F10: variants seen among roughly 807,000 people sequenced by gnomAD.
The protein encoded by F10 is coagulation factor X.
Under a neutral mutation model 37.1 loss-of-function variants are expected in F10, and 29 were observed. The ratio of observed to expected loss-of-function variants is 0.78; its 90% CI spans 0.58 to 1.07. The LOEUF (loss-of-function observed/expected upper bound fraction) is 1.07. Among genes scored for constraint, F10 ranks in the 50% least tolerant of loss-of-function variants. The pLI is 0.00. For missense variants in F10, 539 were observed against 667.9 expected, an observed-to-expected ratio of 0.81 and a Z score of 2.13; for synonymous variants, 262 against 268.6, an observed-to-expected ratio of 0.98 and a Z score of 0.24.
chr13:113,131,938 C>T (rs970643814), intron 2 of F10: 4 of 152,302 alleles, frequency 2.6e-5, no homozygotes, highest in Non-Finnish European at 5.9e-5. Context: ...TACCATGTTT[C>T]TCACAGACTC....
chr13:113,148,715 A>G (rs2036608531), intron 7 of F10, among the ~76,000 whole-genome samples: 1 of 152,240 alleles, frequency 6.6e-6, no homozygotes, highest in African/African-American at 2.4e-5. Context: ...CGTGTGAGAC[A>G]GGACCAGTGG....
Position 113,139,579 on chromosome 13 carries a change from A to G in F10, c.370+109A>G. On this transcript the variant is annotated intron_variant, in intron 4 of 7. Transcript: ENST00000375559. The surrounding 1 kb of genome is among the most constrained non-coding windows in gnomAD (Gnocchi z 5.2). ...ATGAAACAATCTTAAGTCATTTCTG[A>G]TTTACAAAGTCTGGGCTCTATTATA... The G allele has an allele frequency of 1.2e-6, 1 of 863,740 alleles. No individual in the cohort carries two copies. Among genetic ancestry groups the G allele is most frequent in the African/African-American group, 1.7e-5 (1 of 60,152 alleles). 53.5% of individuals were successfully genotyped at this position (863,740 alleles called of 1,614,324 possible).
intron 4 of F10, chr13:113,140,708 T>G (rs1317142098): frequency 1.3e-4 from 93 of 736,764 alleles, no homozygotes; most frequent in Non-Finnish European, 7.2e-6. Context: ...GAGCCTGGCT[T>G]CTGGCTACAC....
intron 2 of F10, chr13:113,129,953 G>A (rs1354119190): frequency 8.5e-6 from 3 of 353,246 alleles, no homozygotes; most frequent in Non-Finnish European, 5.6e-6. Context: ...GCGCCTCGCC[G>A]AGTTGCAGTG....
chr13:113,149,158 A>T lies in F10; in HGVS notation c.1108A>T (p.Lys370Ter). ...GAGCGGCTTCGGGCGCACCCACGAG[A>T]AGGGCCGGCAGTCCACCAGGCTCAA... Reference protein sequence around the residue: ...IVSGFGRTHEKGRQSTRLKML... With the variant: ...IVSGFGRTHE The change falls in exon 8 of 8, where the codon AAG becomes TAG. Residue 370 changes from lysine to a stop codon, truncating the protein, a stop_gained. Coordinates refer to ENST00000375559, the MANE Select transcript of F10 (RefSeq NM_000504.4). LOFTEE classifies it low-confidence loss of function (END_TRUNC). The surrounding 1 kb of genome is among the most constrained non-coding windows in gnomAD (Gnocchi z 7.5). 1.2e-6 allele frequency: 2 copies of T among 1,612,872 alleles called. No individual in the cohort carries two copies. Among genetic ancestry groups the T allele is most frequent in the Non-Finnish European group, 1.7e-6 (2 of 1,179,982 alleles).
rs1444530055 is a variant in F10, at chr13:113,146,440, G to A, written c.748-939G>A. On this transcript the variant is annotated intron_variant, in intron 6 of 7. Transcript: ENST00000375559. This position sits in a 1 kb window ranked among gnomAD's most constrained non-coding sequence, Gnocchi z 4.5. Reference sequence around the variant, plus strand: ...TTCCTGGGCTGGGGGACCAGGGTGGGGCGCCCTGGAGGGCTCACTGGAGGG... The same window carrying A: ...TTCCTGGGCTGGGGGACCAGGGTGGAGCGCCCTGGAGGGCTCACTGGAGGG... Among the ~76,000 whole-genome samples, 1 of 152,162 alleles carries A rather than the reference G, an allele frequency of 6.6e-6. No individual in the cohort carries two copies. Among genetic ancestry groups the A allele is most frequent in the Admixed American group, 6.5e-5 (1 of 15,282 alleles).
chr13:113,135,364 G>A (rs1447179290), intron 2 of F10, among the ~76,000 whole-genome samples: 1 of 152,106 alleles, frequency 6.6e-6, no homozygotes, highest in Non-Finnish European at 1.5e-5. Flanking sequence ...AACAGAATAA[G>A]GTTATTGCTC....
intron 1 of F10, among the ~76,000 whole-genome samples, chr13:113,125,483 A>G (rs558911225): frequency 4.1e-4 from 62 of 152,264 alleles, no homozygotes; most frequent in Non-Finnish European, 6.2e-4. Flanking sequence ...TTCTGAAGAA[A>G]CAAACCACAC....
intron 7 of F10, 46 bp from the exon 8 acceptor site, chr13:113,148,870 G>C: frequency 6.3e-7 from 1 of 1,593,224 alleles, no homozygotes; most frequent in Non-Finnish European, 8.6e-7. Context: ...ATGTGCGAGA[G>C]CATGTCCCTG....
rs1467318593 is a variant in F10 at position 113,149,129 on chromosome 13, T to C, written c.1079T>C (p.Ile360Thr). The change falls in exon 8 of 8, where the codon ATT becomes ACT. Residue 360 changes from isoleucine (I) to threonine (T), a missense_variant. Coordinates refer to ENST00000375559, the MANE Select transcript of F10 (RefSeq NM_000504.4). This position sits in a 1 kb window ranked among gnomAD's most constrained non-coding sequence, Gnocchi z 7.5. ...ACGCTGATGACGCAGAAGACGGGGA[T>C]TGTGAGCGGCTTCGGGCGCACCCAC... ...ESTLMTQKTG[I>T]VSGFGRTHEK... The C allele has an allele frequency of 6.2e-7, 1 of 1,612,774 alleles. No individual in the cohort carries two copies. Among genetic ancestry groups the C allele is most frequent in the Non-Finnish European group, 8.5e-7 (1 of 1,179,936 alleles).
At position 113,146,014 on chromosome 13, in the gene F10, A is replaced by C. The variant is rs1381317251; in HGVS notation, c.748-1365A>C. Reference sequence around the variant, plus strand: ...CAAAACCAGAATGTCCTCTCCTACAAGCAAGAATCTCAGAGCTGCCAGCGC... The same window carrying C: ...CAAAACCAGAATGTCCTCTCCTACACGCAAGAATCTCAGAGCTGCCAGCGC... On this transcript the variant is annotated intron_variant, in intron 6 of 7. Coordinates refer to ENST00000375559, the MANE Select transcript of F10 (RefSeq NM_000504.4). The surrounding 1 kb of genome is among the most constrained non-coding windows in gnomAD (Gnocchi z 4.5). Among the ~76,000 whole-genome samples, 1 of 152,204 alleles carries C rather than the reference A, an allele frequency of 6.6e-6. No individual in the cohort carries two copies. Among genetic ancestry groups the C allele is most frequent in the Non-Finnish European group, 1.5e-5 (1 of 68,042 alleles).
chr13:113,143,699 ACG>A lies in F10; in HGVS notation c.503-151_503-150del. ...CCTGCAGATCCGACCCCTGCCGACG[ACG>A]TGGGGCCTCGCCCTGCAAGCCCGCT... On this transcript the variant is annotated intron_variant, in intron 5 of 7. Transcript: ENST00000375559. The surrounding 1 kb of genome is among the most constrained non-coding windows in gnomAD (Gnocchi z 6.8). 94 of 1,203,332 alleles carry A rather than the reference ACG, an allele frequency of 7.8e-5. No individual in the cohort carries two copies. Among genetic ancestry groups the A allele is most frequent in the Admixed American group, 3.6e-4 (17 of 46,612 alleles). 74.5% of individuals were successfully genotyped at this position (1,203,332 alleles called of 1,614,324 possible).
intron 2 of F10, among the ~76,000 whole-genome samples, chr13:113,134,220 A>C (rs892037362): frequency 2.6e-5 from 4 of 152,236 alleles, no homozygotes; most frequent in African/African-American, 9.6e-5. Context: ...TAAAGTTATC[A>C]CTATTTGAAG....
At chr13:113,148,345 A>AAAAATATATATATATATATAT (rs1300922846) in intron 7 of F10, among the ~76,000 whole-genome samples, 1 of 95,410 alleles carries the variant, frequency 1.0e-5, no homozygotes, top group Admixed American at 1.4e-4. Flanking sequence ...AAAAAAAAAA[A>AAAAATATATATATATATATAT]ATATATATAT....
In F10 at chr13:113,146,085, G is replaced by A. The variant is rs1200999626; in HGVS notation, c.748-1294G>A. Among the ~76,000 whole-genome samples the A allele has an allele frequency of 3.9e-5, 6 of 152,194 alleles. No individual in the cohort carries two copies. Among genetic ancestry groups the A allele is most frequent in the Admixed American group, 1.3e-4 (2 of 15,276 alleles). ...CTTCCCCCACCCCAGACCGTGTGGCGGGTGAGCCTCTGTCTAACTATAAAG... is the reference window on the plus strand; with the variant it reads ...CTTCCCCCACCCCAGACCGTGTGGCAGGTGAGCCTCTGTCTAACTATAAAG... On this transcript the variant is annotated intron_variant, in intron 6 of 7. Coordinates refer to ENST00000375559, the MANE Select transcript of F10 (RefSeq NM_000504.4). This position sits in a 1 kb window ranked among gnomAD's most constrained non-coding sequence, Gnocchi z 4.5.
In F10 at chr13:113,144,350, C is replaced by T; in HGVS notation, c.747+255C>T. ...AGGCAACGCCCCCCTCAGCCCCTTCCCACTGGGCATTTCCATGGCTGCCCG... is the reference window on the plus strand; with the variant it reads ...AGGCAACGCCCCCCTCAGCCCCTTCTCACTGGGCATTTCCATGGCTGCCCG... On this transcript the variant is annotated intron_variant, in intron 6 of 7. Coordinates refer to ENST00000375559, the MANE Select transcript of F10 (RefSeq NM_000504.4). This position sits in a 1 kb window ranked among gnomAD's most constrained non-coding sequence, Gnocchi z 6.4. The T allele has an allele frequency of 1.7e-6, 1 of 580,838 alleles. No homozygotes were observed. The highest frequency in any genetic ancestry group is 3.1e-6 in the Non-Finnish European group (1 of 326,282). 36.0% of individuals were successfully genotyped at this position (580,838 alleles called of 1,614,324 possible). A position where few individuals can be genotyped will look rare whatever the true frequency, so the allele number is the denominator to read the frequency against.
chr13:113,146,277 C>T lies in F10; in HGVS notation c.748-1102C>T, dbSNP rs920479570. The stretch of plus-strand genomic sequence containing the variant: ...CTCAACCTAGTTAGGGAGCTGAGAC[C>T]GAAATCCTCCCAGTCCCAGGCACTG... On this transcript the variant is annotated intron_variant, in intron 6 of 7. Coordinates refer to ENST00000375559, the MANE Select transcript of F10 (RefSeq NM_000504.4). The surrounding 1 kb of genome is among the most constrained non-coding windows in gnomAD (Gnocchi z 4.5). 6.6e-6 allele frequency among the ~76,000 whole-genome samples: 1 copy of T among 152,180 alleles called. No individual in the cohort carries two copies.
In F10 at chr13:113,143,734, C is replaced by G; in HGVS notation, c.503-117C>G. On this transcript the variant is annotated intron_variant, in intron 5 of 7. Transcript: ENST00000375559. The surrounding 1 kb of genome is among the most constrained non-coding windows in gnomAD (Gnocchi z 6.8). ...TCGCCCTGCAAGCCCGCTGCCCCTC[C>G]GGGTGCCCCTGCGCTCTGCCTCCCG... 5.7e-4 allele frequency: 840 copies of G among 1,462,358 alleles called. No individual in the cohort carries two copies. Among genetic ancestry groups the G allele is most frequent in the Admixed American group, 4.3e-3 (216 of 50,364 alleles). The allele number at this position is 1,462,358 out of a possible 1,614,324, so 90.6% of individuals were successfully genotyped here.
In F10 at chr13:113,143,487, A is replaced by G. The variant is rs753057; in HGVS notation, c.503-364A>G. Among the ~76,000 whole-genome samples, 5,735 of 152,222 alleles carry G rather than the reference A, an allele frequency of 0.038. 154 individuals are homozygous for G. Among genetic ancestry groups the G allele is most frequent in the Admixed American group, 0.063 (971 of 15,292 alleles). ...TCTCCTGTTGGCATCCTCCGGCCAG[A>G]TGCATTCATCCCATTTCGCCCGGCC... On this transcript the variant is annotated intron_variant, in intron 5 of 7. Transcript: ENST00000375559. The surrounding 1 kb of genome is among the most constrained non-coding windows in gnomAD (Gnocchi z 6.8).
Sources: allele counts gnomAD v4.1 joint callset (sites outside exome capture counted in the v4.1 genomes callset), GRCh38; gene constraint gnomAD v4.1.1; non-coding constraint Gnocchi (gnomAD v3.1); transcripts MANE v1.5; gene names NCBI Gene and HGNC (gene_info 2026-07-23, HGNC 2026-07-21).